PDE1A: variants seen among roughly 807,000 people sequenced by gnomAD.
PDE1A encodes the protein dual specificity calcium/calmodulin-dependent 3',5'-cyclic nucleotide phosphodiesterase 1A.
Under a neutral mutation model 61.7 loss-of-function variants are expected in PDE1A, and 35 were observed. The ratio of observed to expected loss-of-function variants is 0.57; its 90% CI spans 0.43 to 0.75. The LOEUF is 0.75. Ranked by LOEUF, PDE1A falls within the 30% of genes least tolerant of loss-of-function variation. The pLI is 0.00. For missense variants in PDE1A, 597 were observed against 630.6 expected (o/e 0.95, Z 0.57); for synonymous variants, 232 against 213.2 (o/e 1.09, Z -0.77).
chr2:182,314,824 C>T (rs1278491206), intron 1 of PDE1A, among the ~76,000 whole-genome samples: 3 of 151,636 alleles, frequency 2.0e-5, no homozygotes, highest in Non-Finnish European at 4.4e-5. Flanking sequence ...TTTATGCATG[C>T]AATGTATTAT....
upstream of PDE1A, among the ~76,000 whole-genome samples, chr2:182,524,820 T>C (rs1690751705): frequency 6.6e-6 from 1 of 151,930 alleles, no homozygotes. Context: ...AATTTGTATG[T>C]CCCTCATTTC....
intron 1 of PDE1A, among the ~76,000 whole-genome samples, chr2:182,293,590 CGTGGGGAATG>C: frequency 6.6e-6 from 1 of 152,156 alleles, no homozygotes; most frequent in East Asian, 1.9e-4. Context: ...TCCCCTCATT[CGTGGGGAATG>C]TGTTCCAAAA....
chr2:182,273,580 A>T (rs979846950), intron 1 of PDE1A, among the ~76,000 whole-genome samples: 2 of 152,116 alleles, frequency 1.3e-5, no homozygotes, highest in Non-Finnish European at 1.5e-5. Context: ...GAAAATACAC[A>T]TTAAGTGAAA....
chr2:182,395,336 C>T (rs563989097), intron 1 of PDE1A, among the ~76,000 whole-genome samples: 34 of 152,144 alleles, frequency 2.2e-4, no homozygotes, highest in Non-Finnish European at 4.1e-4. Context: ...TCCATTATAT[C>T]GATGACAGTA....
intron 13 of PDE1A, among the ~76,000 whole-genome samples, chr2:182,151,789 AAAAC>A (rs1185513135): frequency 6.6e-6 from 1 of 152,228 alleles, no homozygotes; most frequent in East Asian, 1.9e-4. Flanking sequence ...GTAGATATAA[AAAAC>A]AAAATGATTT....
chr2:182,312,944 C>T (rs1164383919), intron 1 of PDE1A, among the ~76,000 whole-genome samples: 2 of 151,850 alleles, frequency 1.3e-5, no homozygotes, highest in Non-Finnish European at 2.9e-5. Context: ...GTATATCTCT[C>T]TATTTATTTG....
At chr2:182,145,675 G>A (rs1160961167), downstream of PDE1A, among the ~76,000 whole-genome samples, 1 of 152,172 alleles carries the variant, frequency 6.6e-6, no homozygotes, top group Non-Finnish European at 1.5e-5. Flanking sequence ...GTTGCAGTGA[G>A]CTGAGATTGT....
chr2:182,607,836 C>T, the PDE1A span, among the ~76,000 whole-genome samples: 2 of 152,148 alleles, frequency 1.3e-5, no homozygotes, highest in Non-Finnish European at 2.9e-5. Context: ...GGGGGAGGAA[C>T]TAAGTGGGAG....
chr2:182,329,212 T>C (rs1697243292), intron 1 of PDE1A, among the ~76,000 whole-genome samples: 1 of 152,180 alleles, frequency 6.6e-6, no homozygotes, highest in Non-Finnish European at 1.5e-5. Context: ...CTATTCCCTG[T>C]GCTCTCAAAT....
chr2:182,477,269 G>T (rs62190682), intron 2 of PDE1A, among the ~76,000 whole-genome samples: 3 of 151,772 alleles, frequency 2.0e-5, no homozygotes, highest in Non-Finnish European at 2.9e-5. Context: ...AGAGAAAAAT[G>T]TAGTCTGGTT....
At chr2:182,209,329 C>T (rs1159047067) in intron 7 of PDE1A, among the ~76,000 whole-genome samples, 2 of 151,926 alleles carry the variant, frequency 1.3e-5, no homozygotes, top group African/African-American at 4.8e-5. Context: ...ATCACGAGAA[C>T]AGTATGGGGG....
chr2:182,294,188 A>G (rs775415064), intron 1 of PDE1A, among the ~76,000 whole-genome samples: 14 of 152,204 alleles, frequency 9.2e-5, no homozygotes, highest in Non-Finnish European at 1.6e-4. Context: ...GCAGCTGACC[A>G]CACTTAACTG....
chr2:182,439,444 C>T (rs1290532938), intron 2 of PDE1A, among the ~76,000 whole-genome samples: 8 of 151,754 alleles, frequency 5.3e-5, no homozygotes, highest in South Asian at 2.1e-4. Context: ...TGGACAGGGA[C>T]GAGTATTCAG....
chr2:182,575,954 T>A, the PDE1A span, among the ~76,000 whole-genome samples: 1 of 146,888 alleles, frequency 6.8e-6, no homozygotes, highest in Non-Finnish European at 1.5e-5. Flanking sequence ...TATATTATAA[T>A]ATATATTATT....
At chr2:182,524,024 T>A (rs1390040024), upstream of PDE1A, among the ~76,000 whole-genome samples, 1 of 152,198 alleles carries the variant, frequency 6.6e-6, no homozygotes, top group African/African-American at 2.4e-5. Context: ...CAGAATTCAA[T>A]CTGAATGTAA....
chr2:182,432,035 A>G (rs1329067877), upstream of PDE1A, among the ~76,000 whole-genome samples: 3 of 152,086 alleles, frequency 2.0e-5, no homozygotes, highest in African/African-American at 7.2e-5. Context: ...ATATGAATGA[A>G]AGTTCTGTTC....
intron 2 of PDE1A, among the ~76,000 whole-genome samples, chr2:182,517,954 C>A (rs1006368316): frequency 2.0e-5 from 3 of 152,138 alleles, no homozygotes; most frequent in Non-Finnish European, 2.9e-5. Flanking sequence ...GAAGAGAGAA[C>A]AAAATGAGCA....
At chr2:182,522,380 G>T in exon 2 of PDE1A, 2 of 1,613,228 alleles carry the variant, frequency 1.2e-6, no homozygotes, top group Non-Finnish European at 1.7e-6. Flanking sequence ...ACCCCATGAT[G>T]ATGCTCCTAA....
chr2:182,508,833 A>G (rs1312242262), intron 2 of PDE1A, among the ~76,000 whole-genome samples: 1 of 132,602 alleles, frequency 7.5e-6, no homozygotes, highest in African/African-American at 2.8e-5. Context: ...ATTATACTTT[A>G]AGTTTTAGGG....
Sources: gnomAD v4.1 joint callset for allele counts (sites outside exome capture counted in the v4.1 genomes callset) on GRCh38, gnomAD v4.1.1 for gene constraint, MANE v1.5 for transcripts, NCBI Gene and HGNC (gene_info 2026-07-23, HGNC 2026-07-21) for gene names.